Variants in MYT1L observed in about 807,000 individuals in gnomAD.
MYT1L encodes myelin transcription factor 1-like protein.
In MYT1L, 12 loss-of-function variants were observed where a neutral mutation model predicts 126.7. The observed-to-expected ratio is 0.09, with a 90% CI of 0.06 to 0.15. MYT1L has a LOEUF of 0.15. Ranked by LOEUF, MYT1L falls within the 10% of genes least tolerant of loss-of-function variation. MYT1L has a pLI of 1.00. For missense variants in MYT1L, 979 were observed against 1,585.2 expected, an observed-to-expected ratio of 0.62 and a Z score of 6.49; for synonymous variants, 541 against 604.2, an observed-to-expected ratio of 0.90 and a Z score of 1.53.
At chr2:2,252,255 G>A (rs962683766) in intron 2 of MYT1L, among the ~76,000 whole-genome samples, 2 of 152,042 alleles carry the variant, frequency 1.3e-5, no homozygotes, top group Admixed American at 6.6e-5. Flanking sequence ...TGTTTGTCCC[G>A]ACTACCCTTT....
intron 3 of MYT1L, among the ~76,000 whole-genome samples, chr2:2,127,738 A>G (rs1417910653): frequency 6.6e-6 from 1 of 152,180 alleles, no homozygotes; most frequent in Non-Finnish European, 1.5e-5. Context: ...AGCAAAGATG[A>G]GGAAGGAGGC....
rs1025249613 is a variant in MYT1L at position 1,919,753 on chromosome 2, G to A, written c.1484-2414C>T. 2.6e-5 allele frequency among the ~76,000 whole-genome samples: 4 copies of A among 152,020 alleles called. No homozygotes were observed. The East Asian group carries it at 7.7e-4, about 29-fold the overall frequency. On this transcript the variant is annotated intron_variant, in intron 10 of 24. Coordinates refer to ENST00000647738, the MANE Select transcript of MYT1L (RefSeq NM_001303052.2). ...TAATATTATTTTATTTTTTGAGACGGAGTCTCGCTCTGTCCCCCAGGCTGG... is the reference window on the plus strand; with the variant it reads ...TAATATTATTTTATTTTTTGAGACGAAGTCTCGCTCTGTCCCCCAGGCTGG...
At chr2:1,987,942 C>T (rs1042956343) in intron 5 of MYT1L, among the ~76,000 whole-genome samples, 1 of 152,208 alleles carries the variant, frequency 6.6e-6, no homozygotes, top group East Asian at 1.9e-4. Context: ...TCCTCTAGCA[C>T]GTGAGCTTTT....
intron 3 of MYT1L, among the ~76,000 whole-genome samples, chr2:2,127,823 A>T (rs1274065903): frequency 6.6e-6 from 1 of 151,822 alleles, no homozygotes; most frequent in Non-Finnish European, 1.5e-5. Context: ...ACACACCACC[A>T]CCTCCTTGCC....
intron 2 of MYT1L, among the ~76,000 whole-genome samples, chr2:2,211,811 A>AAAAAAACAAACAAACAAAC (rs1395527381): frequency 0.037 from 5,518 of 148,390 alleles, 357 homozygotes; most frequent in African/African-American, 0.13. Context: ...GTCAAAAAAA[A>AAAAAAACAAACAAACAAAC]AAAAAAAAAA....
chr2:2,039,099 C>T (rs1422223222), intron 4 of MYT1L, among the ~76,000 whole-genome samples: 3 of 152,188 alleles, frequency 2.0e-5, no homozygotes, highest in Non-Finnish European at 2.9e-5. Flanking sequence ...AGTCAGCAAG[C>T]ACCGGGGGAA....
At chr2:1,897,927 C>T (rs1447222862) in intron 14 of MYT1L, among the ~76,000 whole-genome samples, 1 of 152,152 alleles carries the variant, frequency 6.6e-6, no homozygotes, top group Non-Finnish European at 1.5e-5. Flanking sequence ...GGATCTTAAA[C>T]CATCCTAAAA....
intron 3 of MYT1L, among the ~76,000 whole-genome samples, chr2:2,171,362 A>G (rs997918914): frequency 1.8e-4 from 27 of 152,236 alleles, no homozygotes; most frequent in African/African-American, 5.8e-4. Flanking sequence ...CTCAAACTAC[A>G]TTGAGCATCC....
intron 18 of MYT1L, among the ~76,000 whole-genome samples, chr2:1,872,435 G>C (rs1013158243): frequency 1.3e-5 from 2 of 152,170 alleles, no homozygotes; most frequent in African/African-American, 4.8e-5. Context: ...AGAAGGCAGC[G>C]GTGTGGACTA....
chr2:2,212,335 G>C (rs1158048928), intron 2 of MYT1L, among the ~76,000 whole-genome samples: 1 of 151,306 alleles, frequency 6.6e-6, no homozygotes, highest in Non-Finnish European at 1.5e-5. Flanking sequence ...AGATTGGGTG[G>C]TGCCTAGCTG....
Position 2,300,240 on chromosome 2 carries a change from G to A in MYT1L, c.-520-15737C>T, listed in dbSNP as rs192717644. ...TGAAAACACATATAATTGGATACAT[G>A]TGAGTAGAGGCATTTGACTTCTGAT... is the stretch of plus-strand genomic sequence containing the variant. On this transcript the variant is annotated intron_variant, in intron 1 of 24. Coordinates refer to ENST00000647738, the MANE Select transcript of MYT1L (RefSeq NM_001303052.2). Among the ~76,000 whole-genome samples, 436 of 152,340 alleles carry A rather than the reference G, an allele frequency of 2.9e-3. 2 individuals are homozygous for A. Among genetic ancestry groups the A allele is most frequent in the Admixed American group, 4.7e-3 (72 of 15,304 alleles).
intron 2 of MYT1L, among the ~76,000 whole-genome samples, chr2:2,205,572 T>C (rs892037761): frequency 6.6e-6 from 1 of 152,220 alleles, no homozygotes; most frequent in African/African-American, 2.4e-5. Context: ...CATGCCCTTT[T>C]CTTTAGGCTT....
intron 14 of MYT1L, among the ~76,000 whole-genome samples, chr2:1,896,701 G>C (rs1161995059): frequency 6.6e-6 from 1 of 152,130 alleles, no homozygotes. Flanking sequence ...GAGGGGAGTG[G>C]GTTGGAGAAA....
intron 18 of MYT1L, among the ~76,000 whole-genome samples, chr2:1,872,592 T>G (rs995792130): frequency 1.3e-5 from 2 of 152,234 alleles, no homozygotes; most frequent in African/African-American, 4.8e-5. Flanking sequence ...TTTGAAATAT[T>G]TTGATCTTGG....
chr2:2,209,270 AG>A (rs2093421675), intron 2 of MYT1L, among the ~76,000 whole-genome samples: 1 of 152,144 alleles, frequency 6.6e-6, no homozygotes, highest in Non-Finnish European at 1.5e-5. Flanking sequence ...ATACTCTTTT[AG>A]CTATTTTTAA....
At chr2:2,147,380 T>C (rs1002260071) in intron 3 of MYT1L, among the ~76,000 whole-genome samples, 1 of 152,244 alleles carries the variant, frequency 6.6e-6, no homozygotes, top group African/African-American at 2.4e-5. Flanking sequence ...CTGTTGGCGA[T>C]GTGGGCTCCA....
At chr2:2,268,322 G>A (rs1045116183) in intron 2 of MYT1L, among the ~76,000 whole-genome samples, 1 of 152,144 alleles carries the variant, frequency 6.6e-6, no homozygotes, top group Non-Finnish European at 1.5e-5. Flanking sequence ...TCAGTGAGAT[G>A]AGGGGCATCA....
intron 3 of MYT1L, among the ~76,000 whole-genome samples, chr2:2,152,378 T>C (rs1009631875): frequency 6.6e-6 from 1 of 152,232 alleles, no homozygotes; most frequent in African/African-American, 2.4e-5. Context: ...AATTTTCCAT[T>C]TGGCATTCTC....
intron 8 of MYT1L, among the ~76,000 whole-genome samples, chr2:1,945,318 G>T (rs2057107622): frequency 6.6e-6 from 1 of 152,244 alleles, no homozygotes; most frequent in Non-Finnish European, 1.5e-5. Context: ...GTGCAGGCTA[G>T]AGATGCGGGG....
Sources: allele counts gnomAD v4.1 joint callset (sites outside exome capture counted in the v4.1 genomes callset), GRCh38; gene constraint gnomAD v4.1.1; transcripts MANE v1.5; gene names NCBI Gene and HGNC (gene_info 2026-07-23, HGNC 2026-07-21).